Variants in EEF1E1 observed in about 807,000 individuals in gnomAD.
EEF1E1 encodes eukaryotic translation elongation factor 1 epsilon 1.
A neutral mutation model predicts 19.9 loss-of-function variants in EEF1E1; 19 were observed. That is an observed-to-expected ratio of 0.95 (90% confidence interval 0.66 to 1.40). The LOEUF (loss-of-function observed/expected upper bound fraction) is 1.40. EEF1E1 is among the 40% of genes most tolerant of loss of function. EEF1E1 has a pLI of 0.00. For synonymous variants in EEF1E1, 81 were observed against 80.0 expected (o/e 1.01, Z -0.07); for missense variants, 198 against 202.2 (o/e 0.98, Z 0.13).
rs1159304084 is a variant in EEF1E1 at position 8,099,784 on chromosome 6, ACAC to A, written c.88-2320_88-2318del. Among the ~76,000 whole-genome samples the A allele has an allele frequency of 9.8e-3, 1,206 of 123,346 alleles. 52 individuals carry two copies. Among genetic ancestry groups the A allele is most frequent in the African/African-American group, 0.039 (1,085 of 27,968 alleles). 80.9% of individuals were successfully genotyped at this position (123,346 alleles called of 152,430 possible). ...CACACACACACACACACACACACACACACACACAAAAAAAAAACAGAACCCTCT... is the reference window on the plus strand; with the variant it reads ...CACACACACACACACACACACACACAACACAAAAAAAAAACAGAACCCTCT... On this transcript the variant is annotated intron_variant, in intron 1 of 3. Transcript: ENST00000379715.
At chr6:8,099,751 A>AAC (rs1554099744) in intron 1 of EEF1E1, among the ~76,000 whole-genome samples, 10,464 of 92,766 alleles carry the variant, frequency 0.11, 742 homozygotes, top group East Asian at 0.19. Context: ...CCGCCTCAAA[A>AAC]ACACACACAC....
Position 8,090,215 on chromosome 6 carries a change from G to A in EEF1E1, c.355C>T (p.Leu119=), listed in dbSNP as rs1757978577. The change falls in exon 3 of 4, where the codon CTA becomes TTA. Residue 119 remains leucine (L), a synonymous_variant. Transcript: ENST00000379715. ...TGYNFTLADI[L]LYYGLHRFIV... ...AAGCGATGAAGTCCATAGTACAATA[G>A]TATATCTGCTAATGTAAAGTTATAC... The A allele has an allele frequency of 1.3e-6, 2 of 1,527,076 alleles. No homozygotes were observed. Among genetic ancestry groups the A allele is most frequent in the East Asian group, 5.0e-5 (2 of 39,892 alleles). The allele number at this position is 1,527,076 out of a possible 1,614,324, so 94.6% of individuals were successfully genotyped here. A position where few individuals can be genotyped will look rare whatever the true frequency, so the allele number is the denominator to read the frequency against.
intron 3 of EEF1E1, among the ~76,000 whole-genome samples, chr6:8,083,042 T>C (rs1581458215): frequency 6.6e-6 from 1 of 152,238 alleles, no homozygotes; most frequent in Admixed American, 6.5e-5. Context: ...CTGCTTCATG[T>C]TGATCTGCAT....
chr6:8,077,083 A>C (rs1757615295), downstream of EEF1E1, among the ~76,000 whole-genome samples: 1 of 152,040 alleles, frequency 6.6e-6, no homozygotes, highest in South Asian at 2.1e-4. Flanking sequence ...AGCTGGGACT[A>C]CAGGCGCCCG....
chr6:8,076,392 C>T (rs956177929), downstream of EEF1E1, among the ~76,000 whole-genome samples: 1 of 152,106 alleles, frequency 6.6e-6, no homozygotes, highest in African/African-American at 2.4e-5. Context: ...GGCTTGATCT[C>T]GGCTCACTGC....
chr6:8,078,518 C>A, downstream of EEF1E1: 1 of 415,990 alleles, frequency 2.4e-6, no homozygotes, highest in Non-Finnish European at 3.5e-6. Flanking sequence ...GACACAGAGA[C>A]ATGAAGCAAG....
At chr6:8,083,361 C>T (rs557333516) in intron 3 of EEF1E1, among the ~76,000 whole-genome samples, 1 of 152,254 alleles carries the variant, frequency 6.6e-6, no homozygotes, top group East Asian at 1.9e-4. Flanking sequence ...CACATGCCTC[C>T]AATGGTGCTC....
chr6:8,074,764 C>T (rs941528771), downstream of EEF1E1, among the ~76,000 whole-genome samples: 6 of 152,316 alleles, frequency 3.9e-5, no homozygotes, highest in African/African-American at 7.2e-5. Flanking sequence ...CTTCATCTTT[C>T]GACCATCCCT....
At chr6:8,098,212 C>T (rs6904012) in intron 1 of EEF1E1, among the ~76,000 whole-genome samples, 28,135 of 151,728 alleles carry the variant, frequency 0.19, 2,817 homozygotes, top group Admixed American at 0.25. Flanking sequence ...CTCTGCCTCC[C>T]GGGTTCAACC....
downstream of EEF1E1, among the ~76,000 whole-genome samples, chr6:8,075,808 G>A (rs575371754): frequency 6.6e-5 from 10 of 152,310 alleles, no homozygotes; most frequent in Admixed American, 1.3e-4. Context: ...AACCAAAGTA[G>A]AACTTCTTTC....
chr6:8,093,978 A>G (rs969908422), intron 2 of EEF1E1, among the ~76,000 whole-genome samples: 1 of 151,904 alleles, frequency 6.6e-6, no homozygotes, highest in African/African-American at 2.4e-5. Flanking sequence ...TTCTGTTTTT[A>G]GCAGAGATGG....
intron 3 of EEF1E1, among the ~76,000 whole-genome samples, chr6:8,082,047 T>C (rs1757735253): frequency 6.6e-6 from 1 of 152,208 alleles, no homozygotes; most frequent in South Asian, 2.1e-4. Context: ...GATATTTGTA[T>C]TTCAGAACAG....
At position 8,082,581 on chromosome 6, in the gene EEF1E1, CT is replaced by C. The variant is rs534330832; in HGVS notation, c.385-2552del. ...GGCATGAGCCACTGCACCCAACCCC[CT>C]ATTCTAATAATTTTTAACTAGATGA... On this transcript the variant is annotated intron_variant, in intron 3 of 3. Coordinates refer to ENST00000379715, the MANE Select transcript of EEF1E1 (RefSeq NM_004280.5). 3.5e-3 allele frequency among the ~76,000 whole-genome samples: 530 copies of C among 152,254 alleles called. 3 individuals carry two copies. The highest frequency in any genetic ancestry group is 3.3e-3 in the Non-Finnish European group (223 of 68,022).
intron 1 of EEF1E1, chr6:8,101,845 C>A: frequency 7.8e-7 from 1 of 1,288,440 alleles, no homozygotes; most frequent in Non-Finnish European, 1.0e-6. Flanking sequence ...TTCCCCGAAT[C>A]CCCTAGATTG....
chr6:8,102,076 G>T, intron 1 of EEF1E1: 1 of 1,192,226 alleles, frequency 8.4e-7, no homozygotes, highest in Non-Finnish European at 1.1e-6. Context: ...TGAATGAAAG[G>T]TGCGATTACG....
At chr6:8,094,526 GA>G (rs1311409255) in intron 2 of EEF1E1, among the ~76,000 whole-genome samples, 2 of 151,162 alleles carry the variant, frequency 1.3e-5, no homozygotes, top group Non-Finnish European at 2.9e-5. Context: ...CTTGAACCTG[GA>G]AGGCAGAGGT....
chr6:8,085,117 A>T (rs1757816389), intron 3 of EEF1E1, among the ~76,000 whole-genome samples: 1 of 152,180 alleles, frequency 6.6e-6, no homozygotes, highest in Non-Finnish European at 1.5e-5. Flanking sequence ...CTGAAATAGG[A>T]ACTATAAATA....
In EEF1E1 at chr6:8,102,475, A is replaced by G. The variant is rs758114048; in HGVS notation, c.47T>C (p.Leu16Pro). Residue 16 changes from leucine to proline, a missense_variant, in exon 1 of 4, where the codon CTG becomes CCG. Transcript: ENST00000379715. ...AGCACTGTATTTATTCCCCTTACTC[A>G]GTCCCAGGGACTTCTCCAGTAGCGA... is the stretch of plus-strand genomic sequence containing the variant. The part of the protein sequence containing the change: ...ELSLLEKSLG[L>P]SKGNKYSAQG... 6 of 1,612,326 alleles carry G rather than the reference A, an allele frequency of 3.7e-6. No individual in the cohort carries two copies. The highest frequency in any genetic ancestry group is 5.1e-6 in the Non-Finnish European group (6 of 1,179,916).
At chr6:8,094,949 T>C (rs745324396) in intron 2 of EEF1E1, among the ~76,000 whole-genome samples, 29 of 152,194 alleles carry the variant, frequency 1.9e-4, no homozygotes, top group Non-Finnish European at 3.2e-4. Context: ...CGGTATATAA[T>C]ACACATAAAA....
Sources: gnomAD v4.1 joint callset for allele counts (sites outside exome capture counted in the v4.1 genomes callset) on GRCh38, gnomAD v4.1.1 for gene constraint, MANE v1.5 for transcripts, NCBI Gene and HGNC (gene_info 2026-07-23, HGNC 2026-07-21) for gene names.